Variants in MPPED1 observed in about 807,000 individuals in gnomAD.
MPPED1 encodes metallophosphoesterase domain containing 1, also known as metallophosphoesterase domain-containing protein 1.
Under a neutral mutation model 36.2 loss-of-function variants are expected in MPPED1, and 16 were observed. That is an observed-to-expected ratio of 0.44 (90% CI 0.30 to 0.67). MPPED1 has a LOEUF of 0.67. Among genes scored for constraint, MPPED1 ranks in the 30% least tolerant of loss-of-function variants. MPPED1 has a pLI of 0.10. For missense variants in MPPED1, 307 were observed against 453.4 expected (o/e 0.68, Z 2.93); for synonymous variants, 199 against 191.3 (o/e 1.04, Z -0.33).
chr22:43,461,480 A>T (rs1450201815), intron 3 of MPPED1, among the ~76,000 whole-genome samples: 1 of 152,170 alleles, frequency 6.6e-6, no homozygotes, highest in Admixed American at 6.5e-5. Context: ...GTAGATTTTG[A>T]CAACTTTTGC....
intron 1 of MPPED1, among the ~76,000 whole-genome samples, chr22:43,419,641 G>A (rs1044246338): frequency 1.3e-5 from 2 of 151,996 alleles, no homozygotes; most frequent in African/African-American, 4.8e-5. Flanking sequence ...GGAATGGCAC[G>A]GGCAGAGGTG....
intron 3 of MPPED1, among the ~76,000 whole-genome samples, chr22:43,463,868 T>TTTCTTTC (rs1555901281): frequency 9.4e-5 from 14 of 148,514 alleles, no homozygotes; most frequent in African/African-American, 3.2e-4. Flanking sequence ...TCTTTCTTTC[T>TTTCTTTC]TTCTTTCTCT....
At chr22:43,420,813 C>G (rs1325314151) in intron 1 of MPPED1, among the ~76,000 whole-genome samples, 2 of 152,164 alleles carry the variant, frequency 1.3e-5, no homozygotes, top group African/African-American at 2.4e-5. Context: ...TCTTTGTTTA[C>G]TTTATTGTCC....
rs28711226 is a variant in MPPED1, at chr22:43,502,770, C to T, written c.862+13C>T. ...CACATCCACGAAGGTCAGTACGTAG[C>T]GGAGACAGGCACCTCACGGGCTAGG... On this transcript the variant is annotated intron_variant, in intron 6 of 6. Transcript: ENST00000443721. The surrounding 1 kb of genome is among the most constrained non-coding windows in gnomAD (Gnocchi z 5.5). 0.044 allele frequency: 70,654 copies of T among 1,609,734 alleles called. 2,841 individuals carry two copies. The highest frequency in any genetic ancestry group is 0.2 in the African/African-American group (14,655 of 74,942).
At chr22:43,462,372 A>C (rs544245854) in intron 3 of MPPED1, among the ~76,000 whole-genome samples, 2 of 152,346 alleles carry the variant, frequency 1.3e-5, no homozygotes, top group African/African-American at 4.8e-5. Flanking sequence ...TCCCACTCCC[A>C]GTGCAGCTCT....
At chr22:43,483,536 G>A (rs1400226043) in intron 4 of MPPED1, among the ~76,000 whole-genome samples, 1 of 152,282 alleles carries the variant, frequency 6.6e-6, no homozygotes, top group African/African-American at 2.4e-5. Flanking sequence ...AGACACAGGC[G>A]GGCCCGGCAC....
Position 43,412,069 on chromosome 22 carries a change from T to C in MPPED1, c.-168T>C. 2.0e-6 allele frequency: 2 copies of C among 978,516 alleles called. No individual in the cohort carries two copies. Among genetic ancestry groups the C allele is most frequent in the Middle Eastern group, 5.3e-4 (1 of 1,902 alleles). The allele number at this position is 978,516 out of a possible 1,614,324, so 60.6% of individuals were successfully genotyped here. On this transcript the variant is annotated 5_prime_UTR_variant, in exon 1 of 7. Coordinates refer to ENST00000443721, the MANE Select transcript of MPPED1 (RefSeq NM_001044370.2). ...CCGCCGCCGGAGGAGCCCCCGCCCC[T>C]GCGCGCCTCCCTCCCGGGAGCCCCT...
chr22:43,462,462 A>T (rs765187588), intron 3 of MPPED1, among the ~76,000 whole-genome samples: 1 of 152,090 alleles, frequency 6.6e-6, no homozygotes, highest in Non-Finnish European at 1.5e-5. Context: ...TTACTTTTAG[A>T]TTTCTTATAA....
At chr22:43,455,130 G>A (rs1930709810) in intron 3 of MPPED1, among the ~76,000 whole-genome samples, 1 of 36,074 alleles carries the variant, frequency 2.8e-5, no homozygotes, top group Non-Finnish European at 4.8e-5. Context: ...TTTTTTTTGA[G>A]ACGAAGTCTT....
At chr22:43,449,435 C>A (rs1930484080) in intron 3 of MPPED1, among the ~76,000 whole-genome samples, 1 of 141,626 alleles carries the variant, frequency 7.1e-6, no homozygotes, top group Non-Finnish European at 1.6e-5. Flanking sequence ...CCCCCCGCCC[C>A]CCCTCCAAGT....
At chr22:43,447,302 G>A (rs1057206888) in intron 3 of MPPED1, among the ~76,000 whole-genome samples, 1 of 152,186 alleles carries the variant, frequency 6.6e-6, no homozygotes, top group Non-Finnish European at 1.5e-5. Context: ...ATGGAGAGAG[G>A]TGTTTGGATA....
intron 3 of MPPED1, among the ~76,000 whole-genome samples, chr22:43,453,196 C>T (rs1475456576): frequency 1.3e-5 from 2 of 152,050 alleles, no homozygotes; most frequent in Non-Finnish European, 2.9e-5. Context: ...GTGATCTGCC[C>T]ACTTCGGCCT....
chr22:43,479,703 C>T (rs1931690238), intron 4 of MPPED1, among the ~76,000 whole-genome samples: 1 of 152,234 alleles, frequency 6.6e-6, no homozygotes, highest in Non-Finnish European at 1.5e-5. Flanking sequence ...GACCCATTCC[C>T]AGGAGGTCCT....
chr22:43,463,331 C>CTTTT (rs3047468), intron 3 of MPPED1, among the ~76,000 whole-genome samples: 1 of 121,064 alleles, frequency 8.3e-6, no homozygotes, highest in Non-Finnish European at 1.7e-5. Flanking sequence ...ATGATTTTTT[C>CTTTT]TTTTTTTTTT....
At chr22:43,426,200 G>C (rs903999602) in intron 2 of MPPED1, among the ~76,000 whole-genome samples, 1 of 152,124 alleles carries the variant, frequency 6.6e-6, no homozygotes. Context: ...AGTCCAGCCC[G>C]GGGCTCTCCT....
chr22:43,455,785 A>G (rs916431815), intron 3 of MPPED1, among the ~76,000 whole-genome samples: 1 of 152,028 alleles, frequency 6.6e-6, no homozygotes, highest in Non-Finnish European at 1.5e-5. Flanking sequence ...CCTTTCCTCC[A>G]CCCCAATTGC....
At chr22:43,487,875 G>A (rs1231088916) in intron 4 of MPPED1, among the ~76,000 whole-genome samples, 4 of 152,124 alleles carry the variant, frequency 2.6e-5, no homozygotes, top group East Asian at 1.9e-4. Context: ...ACGTGACAGC[G>A]ACTGCTTAAG....
Position 43,465,339 on chromosome 22 carries a change from G to A in MPPED1, c.407-9397G>A, listed in dbSNP as rs564828797. On this transcript the variant is annotated intron_variant, in intron 3 of 6. Transcript: ENST00000443721. Reference sequence around the variant, plus strand: ...ATCCTAACAGTGTTGGTTACCATCCGTGGGCCAGCTATTTGGCCTCTGGGG... The same window carrying A: ...ATCCTAACAGTGTTGGTTACCATCCATGGGCCAGCTATTTGGCCTCTGGGG... Among the ~76,000 whole-genome samples, 26 of 152,328 alleles carry A rather than the reference G, an allele frequency of 1.7e-4. No individual in the cohort carries two copies. The South Asian group carries it at 5.2e-3, about 30-fold the overall frequency.
Position 43,505,900 on chromosome 22 carries a change from G to A in MPPED1, c.*284G>A, listed in dbSNP as rs1932802005. On this transcript the variant is annotated 3_prime_UTR_variant, in exon 7 of 7. Coordinates refer to ENST00000443721, the MANE Select transcript of MPPED1 (RefSeq NM_001044370.2). ...AAGCTCATGGCCCTGTCATGTTTGG[G>A]AAATGACTAAATCTTCATTCTTCTC... 2.9e-6 allele frequency: 1 copy of A among 349,638 alleles called. No homozygotes were observed. Among genetic ancestry groups the A allele is most frequent in the Admixed American group, 4.6e-5 (1 of 21,844 alleles). The allele number at this position is 349,638 out of a possible 1,614,324, so 21.7% of individuals were successfully genotyped here. A position where few individuals can be genotyped will look rare whatever the true frequency, so the allele number is the denominator to read the frequency against.
Sources: gnomAD v4.1 joint callset for allele counts (sites outside exome capture counted in the v4.1 genomes callset) on GRCh38, gnomAD v4.1.1 for gene constraint, Gnocchi (gnomAD v3.1) non-coding constraint, MANE v1.5 for transcripts, NCBI Gene and HGNC (gene_info 2026-07-23, HGNC 2026-07-21) for gene names.